FRMPD4: variants seen among roughly 807,000 people sequenced by gnomAD.
The protein encoded by FRMPD4 is FERM and PDZ domain containing 4.
A neutral mutation model predicts 94.1 loss-of-function variants in FRMPD4; 22 were observed. The observed-to-expected ratio is 0.23, with a 90% CI of 0.17 to 0.33. The LOEUF is 0.33. Ranked by LOEUF, FRMPD4 falls within the 10% of genes least tolerant of loss-of-function variation. The pLI, the probability that FRMPD4 is intolerant of heterozygous loss-of-function variation, is 1.00. For synonymous variants in FRMPD4, 631 were observed against 548.6 expected, an observed-to-expected ratio of 1.15 and a Z score of -2.10; for missense variants, 1,111 against 1,339.9, an observed-to-expected ratio of 0.83 and a Z score of 2.67.
intron 3 of FRMPD4, among the ~76,000 whole-genome samples, chrX:12,008,845 T>C (rs1460629725): frequency 8.9e-6 from 1 of 111,978 alleles, no homozygotes; most frequent in Non-Finnish European, 1.9e-5. Flanking sequence ...AAATATTAAT[T>C]TTTGCTTTTT....
intron 1 of FRMPD4, among the ~76,000 whole-genome samples, chrX:12,181,800 A>G (rs920385791): frequency 1.8e-5 from 2 of 111,730 alleles, no homozygotes; most frequent in African/African-American, 3.2e-5. Context: ...CTGCATGCCA[A>G]TGAAGCTAGC....
rs5979715 is a variant in FRMPD4 at position 12,720,076 on chromosome X, A to G, written c.3965-458A>G. On this transcript the variant is annotated intron_variant, in intron 16 of 16. Transcript: ENST00000675598. ...AAAGAAAGAAAGAAAGAAAGAAAGA[A>G]AGAAAGAGAAAGAAAGAAAGGAGGA... 4.5e-3 allele frequency among the ~76,000 whole-genome samples: 383 copies of G among 84,427 alleles called. 5 individuals are homozygous for G. Among genetic ancestry groups the G allele is most frequent in the African/African-American group, 0.016 (367 of 22,968 alleles). 73.3% of individuals were successfully genotyped at this position (84,427 alleles called of 115,157 possible). A position where few individuals can be genotyped will look rare whatever the true frequency, so the allele number is the denominator to read the frequency against.
At chrX:12,534,026 A>C (rs2058312994) in intron 2 of FRMPD4, among the ~76,000 whole-genome samples, 1 of 112,680 alleles carries the variant, frequency 8.9e-6, no homozygotes, top group Non-Finnish European at 1.9e-5. Flanking sequence ...CTGGAGGCCT[A>C]AGAGGAAAAG....
intron 3 of FRMPD4, among the ~76,000 whole-genome samples, chrX:11,947,982 C>T (rs1329576816): frequency 4.7e-5 from 5 of 106,001 alleles, no homozygotes; most frequent in Non-Finnish European, 7.7e-5. Flanking sequence ...CCCAGCTACT[C>T]GGGAAGCTGA....
intron 2 of FRMPD4, among the ~76,000 whole-genome samples, chrX:11,872,173 G>A (rs1231859929): frequency 3.6e-5 from 4 of 112,224 alleles, no homozygotes; most frequent in Non-Finnish European, 7.5e-5. Flanking sequence ...TCTAAGTAAT[G>A]AGCTTTTCTA....
At chrX:12,232,312 G>GA (rs1478026743) in intron 1 of FRMPD4, among the ~76,000 whole-genome samples, 17 of 111,848 alleles carry the variant, frequency 1.5e-4, no homozygotes, top group Non-Finnish European at 3.0e-4. Context: ...CAGGGCTGGG[G>GA]AGGCCTCAGG....
intron 1 of FRMPD4, among the ~76,000 whole-genome samples, chrX:12,412,456 T>G (rs896388126): frequency 8.9e-6 from 1 of 112,594 alleles, no homozygotes; most frequent in African/African-American, 3.2e-5. Flanking sequence ...GAGGACATTT[T>G]TAGAGTTTGC....
chrX:12,472,848 G>C (rs1376163062), intron 1 of FRMPD4, among the ~76,000 whole-genome samples: 5 of 111,500 alleles, frequency 4.5e-5, no homozygotes, highest in African/African-American at 1.7e-4. Context: ...TGGTGTACCT[G>C]AAAGTGACGG....
intron 3 of FRMPD4, among the ~76,000 whole-genome samples, chrX:11,948,338 C>A (rs750885900): frequency 4.5e-5 from 5 of 110,463 alleles, no homozygotes; most frequent in Non-Finnish European, 9.5e-5. Context: ...GGGATTAGTG[C>A]CCTTATATGA....
In FRMPD4 at chrX:12,694,577, C is replaced by T. The variant is rs186769748; in HGVS notation, c.933+123C>T. 8 of 485,980 alleles carry T rather than the reference C, an allele frequency of 1.6e-5. No homozygotes were observed. The East Asian group carries it at 2.1e-4, about 13-fold the overall frequency. 40.1% of individuals were successfully genotyped at this position (485,980 alleles called of 1,213,427 possible). A position where few individuals can be genotyped will look rare whatever the true frequency, so the allele number is the denominator to read the frequency against. ...GTCCCCCACCTCAAGCTCAGTGAAT[C>T]GTACGATAATTCTATGATGCTCTTT... On this transcript the variant is annotated intron_variant, in intron 9 of 16. Coordinates refer to ENST00000675598, the MANE Select transcript of FRMPD4 (RefSeq NM_001368397.1).
intron 1 of FRMPD4, among the ~76,000 whole-genome samples, chrX:12,299,613 A>G (rs1038541177): frequency 1.1e-4 from 12 of 110,506 alleles, no homozygotes; most frequent in Non-Finnish European, 2.1e-4. Context: ...TCTCTATCTC[A>G]ACAGGGTTAT....
intron 2 of FRMPD4, among the ~76,000 whole-genome samples, chrX:12,538,422 CAG>C (rs1177033188): frequency 3.6e-5 from 4 of 111,894 alleles, no homozygotes. Context: ...GGACAAAAGG[CAG>C]CAGAAACCTC....
At chrX:12,382,249 C>T (rs1300673854) in intron 1 of FRMPD4, among the ~76,000 whole-genome samples, 1 of 111,834 alleles carries the variant, frequency 8.9e-6, no homozygotes, top group Non-Finnish European at 1.9e-5. Context: ...TTCCTGTGAA[C>T]ATGGGTAGCT....
chrX:11,862,010 G>A (rs749667661), intron 1 of FRMPD4, among the ~76,000 whole-genome samples: 4 of 110,807 alleles, frequency 3.6e-5, no homozygotes, highest in African/African-American at 1.3e-4. Flanking sequence ...GCTGGAGCAG[G>A]AGCAAGGGGT....
At chrX:12,371,278 C>T (rs1410233970) in intron 1 of FRMPD4, among the ~76,000 whole-genome samples, 3 of 112,562 alleles carry the variant, frequency 2.7e-5, no homozygotes, top group Non-Finnish European at 5.6e-5. Context: ...ACCCATATGG[C>T]GTAGCCTGTT....
chrX:12,154,541 G>C (rs936239527), intron 1 of FRMPD4, among the ~76,000 whole-genome samples: 16 of 112,192 alleles, frequency 1.4e-4, no homozygotes, highest in African/African-American at 5.2e-4. Flanking sequence ...AGGTTATCCA[G>C]CTGCTACCTG....
Position 12,017,958 on chromosome X carries a change from T to C in FRMPD4, c.95+139940T>C. Among the ~76,000 whole-genome samples, 3 of 112,036 alleles carry C rather than the reference T, an allele frequency of 2.7e-5. No individual in the cohort carries two copies. In the Middle Eastern group the frequency reaches 0.014, roughly 521 times the overall value. On this transcript the variant is annotated intron_variant, in intron 3 of 18. Coordinates refer to the FRMPD4 transcript ENST00000640291. ...AGCTGAGTGACATTGTCCTAGTCTT[T>C]TCATTTCCATTTAATAGATGAGAAA...
At chrX:12,305,297 A>G (rs5979571) in intron 1 of FRMPD4, among the ~76,000 whole-genome samples, 20,705 of 110,658 alleles carry the variant, frequency 0.19, 1,775 homozygotes, top group Admixed American at 0.42. Context: ...ACAAGCTGCT[A>G]TAAAGCTCTG....
At chrX:12,376,571 C>T (rs7876995) in intron 1 of FRMPD4, among the ~76,000 whole-genome samples, 2 of 111,573 alleles carry the variant, frequency 1.8e-5, no homozygotes, top group East Asian at 2.8e-4. Flanking sequence ...TTGACTCCTA[C>T]GATGAGATTT....
Sources: gnomAD v4.1 joint callset for allele counts (sites outside exome capture counted in the v4.1 genomes callset) on GRCh38, gnomAD v4.1.1 for gene constraint, MANE v1.5 for transcripts, NCBI Gene and HGNC (gene_info 2026-07-23, HGNC 2026-07-21) for gene names.